Variants in SRGAP1 observed in about 807,000 individuals in gnomAD.
SRGAP1 encodes SLIT-ROBO Rho GTPase activating protein 1.
A neutral mutation model predicts 121.9 loss-of-function variants in SRGAP1; 43 were observed. The observed-to-expected ratio is 0.35, with a 90% CI of 0.28 to 0.46. SRGAP1 has a LOEUF of 0.46. Among genes scored for constraint, SRGAP1 ranks in the 20% least tolerant of loss-of-function variants. SRGAP1 has a pLI of 1.00. For synonymous variants in SRGAP1, 447 were observed against 485.4 expected (o/e 0.92, Z 1.04); for missense variants, 1,102 against 1,350.9 (o/e 0.82, Z 2.89).
intron 1 of SRGAP1, among the ~76,000 whole-genome samples, chr12:63,928,253 A>T (rs190047370): frequency 7.2e-5 from 11 of 152,320 alleles, no homozygotes; most frequent in African/African-American, 2.6e-4. Flanking sequence ...ACTATTTTGG[A>T]AAATTGTTTG....
intron 1 of SRGAP1, among the ~76,000 whole-genome samples, chr12:63,981,446 G>A (rs1422387946): frequency 6.6e-6 from 1 of 152,190 alleles, no homozygotes; most frequent in Non-Finnish European, 1.5e-5. Context: ...GCAGCAAGAT[G>A]TTCTAAAATT....
intron 21 of SRGAP1, among the ~76,000 whole-genome samples, chr12:64,136,570 G>A (rs183161414): frequency 2.1e-3 from 325 of 152,240 alleles, no homozygotes; most frequent in Non-Finnish European, 3.7e-3. Context: ...CAAGGAATCC[G>A]GCCCCAATAT....
At chr12:64,061,567 GT>G (rs2035450663) in intron 6 of SRGAP1, among the ~76,000 whole-genome samples, 1 of 152,060 alleles carries the variant, frequency 6.6e-6, no homozygotes, top group African/African-American at 2.4e-5. Flanking sequence ...ATACTACACA[GT>G]TCACCCATTA....
intron 4 of SRGAP1, among the ~76,000 whole-genome samples, chr12:64,023,446 A>C (rs955092498): frequency 2.6e-5 from 4 of 152,162 alleles, no homozygotes; most frequent in Non-Finnish European, 5.9e-5. Flanking sequence ...TCAAAAGGTT[A>C]TGTAGTATTT....
intron 1 of SRGAP1, among the ~76,000 whole-genome samples, chr12:63,938,429 G>C (rs901885130): frequency 4.6e-5 from 7 of 152,148 alleles, no homozygotes; most frequent in African/African-American, 1.7e-4. Context: ...GCGGAGCCAT[G>C]GTGGGTTTTT....
chr12:63,984,576 A>G (rs2033362205), intron 2 of SRGAP1, among the ~76,000 whole-genome samples: 1 of 152,202 alleles, frequency 6.6e-6, no homozygotes, highest in South Asian at 2.1e-4. Context: ...CATCATGTTT[A>G]TGGTCATTGT....
rs2037119593 is a variant in SRGAP1 at position 64,151,471 on chromosome 12, A to G, written c.*8799A>G. On this transcript the variant is annotated 3_prime_UTR_variant, in exon 22 of 22. Coordinates refer to ENST00000355086, the MANE Select transcript of SRGAP1 (RefSeq NM_020762.4). The stretch of plus-strand genomic sequence containing the variant: ...TGAGCAGCTCTGTATATAATAATTA[A>G]TTGTCTGTGTTTGGATCATAAAGTT... 6.6e-6 allele frequency: 1 copy of G among 152,028 alleles called. No homozygotes were observed. Among genetic ancestry groups the G allele is most frequent in the Non-Finnish European group, 1.5e-5 (1 of 68,008 alleles). 9.4% of individuals were successfully genotyped at this position (152,028 alleles called of 1,614,324 possible). A position where few individuals can be genotyped will look rare whatever the true frequency, so the allele number is the denominator to read the frequency against.
intron 4 of SRGAP1, among the ~76,000 whole-genome samples, chr12:64,021,399 T>C (rs1386746631): frequency 6.6e-6 from 1 of 152,236 alleles, no homozygotes; most frequent in Non-Finnish European, 1.5e-5. Context: ...ATGCTGATTA[T>C]GTTGGTGCTA....
chr12:63,943,617 T>C (rs2031941003), intron 1 of SRGAP1, among the ~76,000 whole-genome samples: 1 of 152,242 alleles, frequency 6.6e-6, no homozygotes, highest in African/African-American at 2.4e-5. Flanking sequence ...TCTATGTTTT[T>C]TTTCTAGGGG....
At chr12:63,954,935 C>T (rs1403400715) in intron 1 of SRGAP1, among the ~76,000 whole-genome samples, 3 of 152,214 alleles carry the variant, frequency 2.0e-5, no homozygotes, top group East Asian at 1.9e-4. Flanking sequence ...CAGTACACTT[C>T]CTCCTTCCCC....
intron 1 of SRGAP1, among the ~76,000 whole-genome samples, chr12:63,953,435 C>T (rs1200004524): frequency 1.5e-5 from 2 of 137,652 alleles, no homozygotes; most frequent in Non-Finnish European, 3.0e-5. Context: ...TAGGATCTCA[C>T]TCTGTGGCCC....
At chr12:64,123,182 C>A (rs1349338237) in intron 18 of SRGAP1, among the ~76,000 whole-genome samples, 2 of 152,130 alleles carry the variant, frequency 1.3e-5, no homozygotes, top group East Asian at 3.8e-4. Context: ...TTGCAAATTA[C>A]ATGTCCTGAA....
intron 1 of SRGAP1, among the ~76,000 whole-genome samples, chr12:63,905,970 A>G (rs2030184419): frequency 6.6e-6 from 1 of 152,246 alleles, no homozygotes; most frequent in Non-Finnish European, 1.5e-5. Context: ...TTGTGCAGCC[A>G]TCACTGCAAT....
At chr12:63,884,243 A>C (rs1276263195) in intron 1 of SRGAP1, among the ~76,000 whole-genome samples, 1 of 152,060 alleles carries the variant, frequency 6.6e-6, no homozygotes, top group African/African-American at 2.4e-5. Flanking sequence ...AGATCATGCC[A>C]CTTCACACTC....
intron 4 of SRGAP1, among the ~76,000 whole-genome samples, chr12:64,021,595 C>A (rs2034551447): frequency 6.6e-6 from 1 of 152,116 alleles, no homozygotes; most frequent in East Asian, 1.9e-4. Flanking sequence ...GAGCCTCTAC[C>A]CTTTACTGTC....
chr12:64,117,094 G>T (rs2136624239), intron 18 of SRGAP1, among the ~76,000 whole-genome samples: 1 of 152,302 alleles, frequency 6.6e-6, no homozygotes, highest in Non-Finnish European at 1.5e-5. Context: ...CTGATAATCA[G>T]GGTGGTGGGG....
In SRGAP1 at chr12:63,984,012, C is replaced by T; in HGVS notation, c.133C>T (p.Leu45Phe). The T allele has an allele frequency of 6.3e-7, 1 of 1,578,550 alleles. No individual in the cohort carries two copies. Among genetic ancestry groups the T allele is most frequent in the South Asian group, 1.2e-5 (1 of 85,846 alleles). Residue 45 changes from leucine (L) to phenylalanine (F), a missense_variant, in exon 2 of 22, where the codon CTT (leucine) becomes TTT (phenylalanine). Around this residue, in one of 3 missense-constraint regions of SRGAP1, gnomAD observed 747 missense variants for 929.4 expected, o/e 0.80. Coordinates refer to ENST00000355086, the MANE Select transcript of SRGAP1 (RefSeq NM_020762.4). ...LEQQTEMRVQ[L>F]LQDLQDFFRK... Reference sequence around the variant, plus strand: ...GCAGCAAACGGAGATGCGAGTTCAGCTTCTCCAGGATCTGCAAGATTTCTT... The same window carrying T: ...GCAGCAAACGGAGATGCGAGTTCAGTTTCTCCAGGATCTGCAAGATTTCTT...
intron 1 of SRGAP1, chr12:63,871,624 G>GTTTTCCT: frequency 3.6e-6 from 2 of 549,792 alleles, no homozygotes; most frequent in Non-Finnish European, 6.4e-6. Context: ...GAGGTTGGGA[G>GTTTTCCT]TTTTTCTTTT....
At position 64,157,780 on chromosome 12, in the gene SRGAP1, A is replaced by G. The variant is rs1210420979; in HGVS notation, c.*15108A>G. Reference sequence around the variant, plus strand: ...TGTGTGATTTCACAAGAGATAACTGATGCTAGCTGCTGTAACAAACAACCC... The same window carrying G: ...TGTGTGATTTCACAAGAGATAACTGGTGCTAGCTGCTGTAACAAACAACCC... On this transcript the variant is annotated 3_prime_UTR_variant, in exon 22 of 22. Transcript: ENST00000355086. 6.6e-6 allele frequency: 1 copy of G among 151,518 alleles called. No individual in the cohort carries two copies. The highest frequency in any genetic ancestry group is 2.4e-5 in the African/African-American group (1 of 41,304). The allele number at this position is 151,518 out of a possible 1,614,324, so 9.4% of individuals were successfully genotyped here.
Sources: gnomAD v4.1 joint callset for allele counts (sites outside exome capture counted in the v4.1 genomes callset) on GRCh38, gnomAD v4.1.1 for gene constraint, gnomAD v4.1.1 regional missense constraint, MANE v1.5 for transcripts, NCBI Gene and HGNC (gene_info 2026-07-23, HGNC 2026-07-21) for gene names.